Variants in EPB41 observed in about 807,000 individuals in gnomAD.
EPB41 encodes the protein erythrocyte membrane protein band 4.1.
EPB41 carries 65 observed loss-of-function variants against 108.0 expected under a neutral mutation model. That is an observed-to-expected ratio of 0.60 (90% CI 0.49 to 0.74). The LOEUF (loss-of-function observed/expected upper bound fraction) is 0.74, where lower values mean the gene tolerates loss of function less well. EPB41 is among the 30% of genes least tolerant of loss of function. The pLI, the probability that EPB41 is intolerant of heterozygous loss-of-function variation, is 0.00. For synonymous variants in EPB41, 336 were observed against 358.9 expected, an observed-to-expected ratio of 0.94 and a Z score of 0.72; for missense variants, 875 against 1,037.0, an observed-to-expected ratio of 0.84 and a Z score of 2.15.
chr1:29,078,732 C>T (rs933815761), intron 16 of EPB41, among the ~76,000 whole-genome samples: 4 of 152,094 alleles, frequency 2.6e-5, no homozygotes, highest in African/African-American at 9.7e-5. Context: ...TAAGCAAGAG[C>T]AAGACCCCGT....
chr1:28,901,541 A>AT (rs2091320334), intron 1 of EPB41, among the ~76,000 whole-genome samples: 1 of 149,252 alleles, frequency 6.7e-6, no homozygotes, highest in African/African-American at 2.5e-5. Context: ...TATTATTATT[A>AT]TTATTATTTT....
At chr1:28,930,039 A>G (rs2093660673) in intron 1 of EPB41, among the ~76,000 whole-genome samples, 1 of 149,796 alleles carries the variant, frequency 6.7e-6, no homozygotes, top group Non-Finnish European at 1.5e-5. Flanking sequence ...GTCATTCCCC[A>G]TTCCCCACCC....
intron 11 of EPB41, among the ~76,000 whole-genome samples, chr1:29,048,458 A>G (rs904266110): frequency 6.6e-6 from 1 of 150,982 alleles, no homozygotes; most frequent in Non-Finnish European, 1.5e-5. Context: ...TGATCCACCC[A>G]CCTCAGCCTC....
chr1:28,959,312 G>A (rs1019343162), intron 1 of EPB41, among the ~76,000 whole-genome samples: 15 of 148,158 alleles, frequency 1.0e-4, no homozygotes, highest in Admixed American at 4.2e-4. Context: ...TGCCTCCTGC[G>A]TTCAAGCGAT....
At chr1:28,923,413 G>A (rs150084) in intron 1 of EPB41, among the ~76,000 whole-genome samples, 118,898 of 152,110 alleles carry the variant, frequency 0.78, 47,071 homozygotes, top group East Asian at 0.92. Flanking sequence ...ATTTCTTAAC[G>A]GTAGATTGAT....
At chr1:28,982,660 G>T in intron 1 of EPB41, 1 of 819,874 alleles carries the variant, frequency 1.2e-6, no homozygotes, top group South Asian at 1.4e-5. Flanking sequence ...CATGGTTTTT[G>T]ATTGATCTTA....
chr1:28,983,904 C>G (rs1202134653), intron 1 of EPB41, among the ~76,000 whole-genome samples: 2 of 151,940 alleles, frequency 1.3e-5, no homozygotes, highest in Non-Finnish European at 2.9e-5. Context: ...GCACACATGG[C>G]TCCCGTGCTC....
intron 10 of EPB41, among the ~76,000 whole-genome samples, chr1:29,037,115 A>G (rs893561445): frequency 5.3e-5 from 8 of 151,184 alleles, no homozygotes; most frequent in Admixed American, 4.6e-4. Context: ...TTTGTTTGTG[A>G]TGGAGTCTTG....
intron 1 of EPB41, among the ~76,000 whole-genome samples, chr1:28,920,109 A>G (rs1476723919): frequency 2.6e-5 from 4 of 152,184 alleles, no homozygotes; most frequent in African/African-American, 7.2e-5. Context: ...AGGAAGGGGC[A>G]AGATTATCTG....
At chr1:28,975,469 C>T (rs1349548821) in intron 1 of EPB41, among the ~76,000 whole-genome samples, 2 of 152,086 alleles carry the variant, frequency 1.3e-5, no homozygotes, top group East Asian at 3.9e-4. Context: ...TCACTGATAA[C>T]CTGAATTTAC....
chr1:29,096,152 T>G, intron 16 of EPB41: 1 of 985,854 alleles, frequency 1.0e-6, no homozygotes, highest in Non-Finnish European at 1.2e-6. Flanking sequence ...CATTCATTTG[T>G]AGAGTATAAA....
At chr1:28,911,370 G>A (rs555358109), upstream of EPB41, among the ~76,000 whole-genome samples, 2 of 152,280 alleles carry the variant, frequency 1.3e-5, no homozygotes, top group East Asian at 1.9e-4. Context: ...GTGTGTTATT[G>A]CATGGCACTC....
At position 29,119,012 on chromosome 1, in the gene EPB41, T is replaced by G. The variant is rs1239756235; in HGVS notation, c.*2200T>G. On this transcript the variant is annotated 3_prime_UTR_variant, in exon 21 of 21. Coordinates refer to ENST00000343067, the MANE Select transcript of EPB41 (RefSeq NM_001376013.1). ...CCTTTAAAAACTAACCCACTGAATA[T>G]TCCGTGTGATCTAGAACAGTGTGGC... is the stretch of plus-strand genomic sequence containing the variant. 1 of 152,246 alleles carries G rather than the reference T, an allele frequency of 6.6e-6. No homozygotes were observed. The highest frequency in any genetic ancestry group is 1.9e-4 in the East Asian group (1 of 5,202). The allele number at this position is 152,246 out of a possible 1,614,324, so 9.4% of individuals were successfully genotyped here. A position where few individuals can be genotyped will look rare whatever the true frequency, so the allele number is the denominator to read the frequency against.
intron 1 of EPB41, among the ~76,000 whole-genome samples, chr1:28,969,569 T>C (rs2095444959): frequency 6.6e-6 from 1 of 151,032 alleles, no homozygotes; most frequent in Admixed American, 6.6e-5. Flanking sequence ...ATCGTGACCA[T>C]CCTGGCTAAC....
chr1:29,085,301 C>G (rs1047193211), intron 16 of EPB41, among the ~76,000 whole-genome samples: 1 of 151,870 alleles, frequency 6.6e-6, no homozygotes, highest in African/African-American at 2.4e-5. Flanking sequence ...CGCCACCATG[C>G]CCGGCTAATT....
upstream of EPB41, among the ~76,000 whole-genome samples, chr1:28,909,738 T>C (rs190870065): frequency 1.3e-5 from 2 of 152,120 alleles, no homozygotes; most frequent in Non-Finnish European, 2.9e-5. Context: ...GAAAGGCTGC[T>C]GTGAGCCATG....
chr1:29,081,776 A>G (rs1656750246), intron 16 of EPB41, among the ~76,000 whole-genome samples: 1 of 150,654 alleles, frequency 6.6e-6, no homozygotes, highest in Non-Finnish European at 1.5e-5. Flanking sequence ...CGGAGGTTGC[A>G]GTAAGCTGAG....
At chr1:28,999,930 C>T (rs1261626557) in intron 4 of EPB41, among the ~76,000 whole-genome samples, 7 of 152,028 alleles carry the variant, frequency 4.6e-5, no homozygotes, top group South Asian at 2.1e-4. Flanking sequence ...ACCACAGGCA[C>T]GCACCACCAT....
chr1:29,074,182 G>A (rs1271239378), intron 16 of EPB41, among the ~76,000 whole-genome samples: 1 of 152,000 alleles, frequency 6.6e-6, no homozygotes. Flanking sequence ...TTATTTTTTC[G>A]GCAAGGGTTT....
Sources: allele counts gnomAD v4.1 joint callset (sites outside exome capture counted in the v4.1 genomes callset), GRCh38; gene constraint gnomAD v4.1.1; transcripts MANE v1.5; gene names NCBI Gene and HGNC (gene_info 2026-07-23, HGNC 2026-07-21).